Variants in ATXN7L1 observed in about 807,000 individuals in gnomAD.
ATXN7L1 encodes ataxin-7-like protein 1.
ATXN7L1 carries 15 observed loss-of-function variants against 70.8 expected under a neutral mutation model. That is an observed-to-expected ratio of 0.21 (90% CI 0.14 to 0.33). The LOEUF is 0.33. ATXN7L1 is among the 10% of genes least tolerant of loss of function. The pLI is 1.00. For missense variants in ATXN7L1, 975 were observed against 1,097.1 expected, an observed-to-expected ratio of 0.89 and a Z score of 1.57; for synonymous variants, 440 against 445.1, an observed-to-expected ratio of 0.99 and a Z score of 0.14.
At chr7:105,646,975 G>A (rs988589897) in intron 4 of ATXN7L1, among the ~76,000 whole-genome samples, 5 of 151,826 alleles carry the variant, frequency 3.3e-5, no homozygotes, top group Non-Finnish European at 7.4e-5. Flanking sequence ...AATCTGTTCT[G>A]TTCAAAAAGA....
chr7:105,643,839 C>T (rs1413976864), intron 4 of ATXN7L1, among the ~76,000 whole-genome samples: 1 of 152,258 alleles, frequency 6.6e-6, no homozygotes, highest in Admixed American at 6.5e-5. Flanking sequence ...CTTCACTCTT[C>T]AGAATCTGTC....
chr7:105,653,869 TC>T (rs1266020475), intron 4 of ATXN7L1, among the ~76,000 whole-genome samples: 1 of 151,872 alleles, frequency 6.6e-6, no homozygotes, highest in Non-Finnish European at 1.5e-5. Context: ...TGGTGTGCCC[TC>T]CCCCATTCTC....
chr7:105,798,207 G>A (rs1740554300), intron 2 of ATXN7L1, among the ~76,000 whole-genome samples: 1 of 152,184 alleles, frequency 6.6e-6, no homozygotes, highest in Admixed American at 6.5e-5. Flanking sequence ...ACCATGCCAA[G>A]TGCATGAAAG....
At chr7:105,635,813 G>A (rs1198327946) in intron 7 of ATXN7L1, among the ~76,000 whole-genome samples, 1 of 151,572 alleles carries the variant, frequency 6.6e-6, no homozygotes, top group Non-Finnish European at 1.5e-5. Context: ...AAGTGGGAGG[G>A]GATGACAATA....
In ATXN7L1 at chr7:105,624,219, G is replaced by T; in HGVS notation, c.1251C>A (p.Ser417Arg). 6.6e-7 allele frequency: 1 copy of T among 1,507,204 alleles called. No homozygotes were observed. The highest frequency in any genetic ancestry group is 8.9e-7 in the Non-Finnish European group (1 of 1,122,670). 93.4% of individuals were successfully genotyped at this position (1,507,204 alleles called of 1,614,324 possible). A position where few individuals can be genotyped will look rare whatever the true frequency, so the allele number is the denominator to read the frequency against. The change falls in exon 8 of 12, where the codon AGC (serine) becomes AGA (arginine). Residue 417 changes from serine to arginine, a missense_variant. This residue lies in a region of ATXN7L1 where 635 missense variants were observed against 699.4 expected (regional missense o/e 0.91). Transcript: ENST00000419735. Reference sequence around the variant, plus strand: ...GGAGTGGGGGCTCTGGAGTGTGGCCGCTATGATTTGAAGATGTGCTGCTGC... The same window carrying T: ...GGAGTGGGGGCTCTGGAGTGTGGCCTCTATGATTTGAAGATGTGCTGCTGC... ...SISSSTSSNH[S>R]GHTPEPPLPP...
intron 7 of ATXN7L1, among the ~76,000 whole-genome samples, chr7:105,634,800 C>T (rs146145771): frequency 6.2e-4 from 94 of 151,966 alleles, no homozygotes; most frequent in Non-Finnish European, 1.2e-3. Flanking sequence ...GAGAATAAGG[C>T]GGGGTGCAGC....
At chr7:105,776,935 A>T (rs1267517858) in intron 3 of ATXN7L1, among the ~76,000 whole-genome samples, 1 of 152,044 alleles carries the variant, frequency 6.6e-6, no homozygotes, top group Non-Finnish European at 1.5e-5. Flanking sequence ...ATGCCTGGAT[A>T]ACTTTTGTAT....
At position 105,624,199 on chromosome 7, in the gene ATXN7L1, G is replaced by C; in HGVS notation, c.1271C>G (p.Pro424Arg). The C allele has an allele frequency of 1.3e-6, 2 of 1,527,286 alleles. No individual in the cohort carries two copies. Among genetic ancestry groups the C allele is most frequent in the East Asian group, 2.6e-5 (1 of 39,146 alleles). 94.6% of individuals were successfully genotyped at this position (1,527,286 alleles called of 1,614,324 possible). The change falls in exon 8 of 12, where the codon CCA (proline) becomes CGA (arginine). Residue 424 changes from proline (P) to arginine (R), a missense_variant. By Grantham distance (103) the Pro-to-Arg change is moderately radical. This residue lies in a region of ATXN7L1 where 635 missense variants were observed against 699.4 expected (regional missense o/e 0.91). Coordinates refer to ENST00000419735, the MANE Select transcript of ATXN7L1 (RefSeq NM_020725.2). ...SNHSGHTPEPPLPPVGGDLAS... is the reference protein window; with the variant it reads ...SNHSGHTPEPRLPPVGGDLAS... ...GAGGTCACCTCCAACCGGTGGGAGT[G>C]GGGGCTCTGGAGTGTGGCCGCTATG... is the stretch of plus-strand genomic sequence containing the variant.
In ATXN7L1 at chr7:105,747,062, T is replaced by C. The variant is rs533352154; in HGVS notation, c.355+41542A>G. On this transcript the variant is annotated intron_variant, in intron 3 of 11. Coordinates refer to ENST00000419735, the MANE Select transcript of ATXN7L1 (RefSeq NM_020725.2). ...AACTATATATTTGGTCTTCAACCCATTTTTTGGCATTCAATTCTTAAAATC... is the reference window on the plus strand; with the variant it reads ...AACTATATATTTGGTCTTCAACCCACTTTTTGGCATTCAATTCTTAAAATC... Among the ~76,000 whole-genome samples the C allele has an allele frequency of 2.6e-5, 4 of 152,362 alleles. No homozygotes were observed. In the South Asian group the frequency reaches 8.3e-4, roughly 32 times the overall value.
chr7:105,697,051 G>C (rs780760839), intron 3 of ATXN7L1, among the ~76,000 whole-genome samples: 1 of 152,090 alleles, frequency 6.6e-6, no homozygotes, highest in African/African-American at 2.4e-5. Context: ...TACTTAACAG[G>C]GTAATAGAAT....
intron 2 of ATXN7L1, among the ~76,000 whole-genome samples, chr7:105,794,061 T>C (rs1043926138): frequency 4.0e-5 from 6 of 151,866 alleles, no homozygotes; most frequent in Admixed American, 2.6e-4. Context: ...TGATATTTTC[T>C]GTTGTTCTAT....
intron 3 of ATXN7L1, among the ~76,000 whole-genome samples, chr7:105,770,961 G>C (rs1030505845): frequency 6.6e-6 from 1 of 151,968 alleles, no homozygotes. Context: ...CAGAACTTTG[G>C]GAGGCCGAGG....
intron 2 of ATXN7L1, among the ~76,000 whole-genome samples, chr7:105,834,279 T>G (rs1392643065): frequency 6.6e-6 from 1 of 152,046 alleles, no homozygotes; most frequent in African/African-American, 2.4e-5. Flanking sequence ...TGACCTCAGG[T>G]GATCCACCTG....
chr7:105,707,380 T>A (rs1165271133), intron 3 of ATXN7L1, among the ~76,000 whole-genome samples: 3 of 152,082 alleles, frequency 2.0e-5, no homozygotes, highest in Non-Finnish European at 2.9e-5. Context: ...GCGAGGAAGA[T>A]GGGCTCACGG....
intron 2 of ATXN7L1, among the ~76,000 whole-genome samples, chr7:105,814,343 G>A (rs1183643879): frequency 6.6e-6 from 1 of 152,096 alleles, no homozygotes; most frequent in Non-Finnish European, 1.5e-5. Context: ...TGAAGCTTTG[G>A]TGGCAATGAT....
intron 3 of ATXN7L1, among the ~76,000 whole-genome samples, chr7:105,779,508 T>C (rs1298359656): frequency 6.6e-6 from 1 of 152,234 alleles, no homozygotes; most frequent in Admixed American, 6.5e-5. Context: ...TTGTAATGCT[T>C]GATTTATGGG....
intron 6 of ATXN7L1, among the ~76,000 whole-genome samples, chr7:105,639,102 C>T (rs900273791): frequency 2.6e-5 from 4 of 152,136 alleles, no homozygotes; most frequent in Admixed American, 6.5e-5. Flanking sequence ...GGATCAGGGG[C>T]GCGGCATATC....
intron 3 of ATXN7L1, among the ~76,000 whole-genome samples, chr7:105,674,208 A>G (rs1804248030): frequency 6.6e-6 from 1 of 152,206 alleles, no homozygotes; most frequent in Non-Finnish European, 1.5e-5. Flanking sequence ...TTTGACAAAT[A>G]TGAGTGTGGG....
chr7:105,744,964 C>A (rs560903393), intron 3 of ATXN7L1, among the ~76,000 whole-genome samples: 152 of 152,154 alleles, frequency 1.0e-3, no homozygotes, highest in Admixed American at 5.4e-3. Context: ...TCTTGAACTC[C>A]TGACCTCAGG....
Sources: gnomAD v4.1 joint callset for allele counts (sites outside exome capture counted in the v4.1 genomes callset) on GRCh38, gnomAD v4.1.1 for gene constraint, gnomAD v4.1.1 regional missense constraint, MANE v1.5 for transcripts, NCBI Gene and HGNC (gene_info 2026-07-23, HGNC 2026-07-21) for gene names.